Variants in TTC34 observed in about 807,000 individuals in gnomAD.
TTC34 encodes tetratricopeptide repeat protein 34.
TTC34 carries 44 observed loss-of-function variants against 40.7 expected under a neutral mutation model. That is an observed-to-expected ratio of 1.08 (90% CI 0.85 to 1.39). TTC34 has a LOEUF of 1.39. Among genes scored for constraint, TTC34 ranks in the 40% most tolerant of loss-of-function variants. The pLI is 0.00. For synonymous variants in TTC34, 422 were observed against 398.6 expected (o/e 1.06, Z -0.70); for missense variants, 884 against 838.0 (o/e 1.05, Z -0.68).
chr1:2,684,344 C>A (rs1640219396), intron 6 of TTC34, among the ~76,000 whole-genome samples: 2 of 150,136 alleles, frequency 1.3e-5, no homozygotes, highest in Non-Finnish European at 3.0e-5. Context: ...TGGTTTGCAG[C>A]AGCACCCACA....
chr1:2,660,752 C>G (rs1407605150), intron 6 of TTC34, among the ~76,000 whole-genome samples: 1 of 120,720 alleles, frequency 8.3e-6, no homozygotes, highest in African/African-American at 3.3e-5. Context: ...CACCCCACAC[C>G]CACAGGTGAG....
chr1:2,797,969 T>G (rs1246824179), intron 2 of TTC34, among the ~76,000 whole-genome samples: 1 of 151,958 alleles, frequency 6.6e-6, no homozygotes, highest in Non-Finnish European at 1.5e-5. Context: ...CTGAATTCCA[T>G]CAACTCTCTC....
At chr1:2,788,976 G>A (rs1180017962) in intron 3 of TTC34, among the ~76,000 whole-genome samples, 5 of 152,146 alleles carry the variant, frequency 3.3e-5, no homozygotes, top group African/African-American at 9.7e-5. Flanking sequence ...TACTTGGGAC[G>A]CTGAGGCAGA....
At chr1:2,684,298 C>A (rs1640217110) in intron 6 of TTC34, among the ~76,000 whole-genome samples, 1 of 145,474 alleles carries the variant, frequency 6.9e-6, no homozygotes. Flanking sequence ...ATATGACAGC[C>A]TGGGTCGGCA....
At chr1:2,760,045 CAAGTGAGCATCTG>C (rs1641645051) in intron 6 of TTC34, among the ~76,000 whole-genome samples, 1 of 80,662 alleles carries the variant, frequency 1.2e-5, no homozygotes, top group Non-Finnish European at 2.3e-5. Context: ...CCCACACACC[CAAGTGAGCATCTG>C]ACAGCCTGGA....
intron 2 of TTC34, among the ~76,000 whole-genome samples, chr1:2,794,128 T>C (rs1421181868): frequency 6.6e-6 from 1 of 152,168 alleles, no homozygotes; most frequent in African/African-American, 2.4e-5. Context: ...GGTAAGTAGC[T>C]GGGATCACAG....
At chr1:2,756,637 GCA>G (rs1641515045) in intron 6 of TTC34, among the ~76,000 whole-genome samples, 1 of 150,872 alleles carries the variant, frequency 6.6e-6, no homozygotes. Flanking sequence ...CCCCAGGTGA[GCA>G]TCTGACAGCC....
At chr1:2,789,512 G>A in exon 3 of TTC34, 3 of 1,504,904 alleles carry the variant, frequency 2.0e-6, no homozygotes, top group African/African-American at 1.4e-5. Flanking sequence ...CCCCTCCTGC[G>A]TGGTGGGGCC....
At chr1:2,793,208 GA>G (rs1310383360) in intron 2 of TTC34, among the ~76,000 whole-genome samples, 12 of 152,284 alleles carry the variant, frequency 7.9e-5, no homozygotes, top group Non-Finnish European at 1.6e-4. Context: ...CTGGTGGGTG[GA>G]AAATGGTCTC....
At chr1:2,651,941 C>G (rs936856477) in intron 6 of TTC34, among the ~76,000 whole-genome samples, 3 of 152,106 alleles carry the variant, frequency 2.0e-5, no homozygotes, top group African/African-American at 7.3e-5. Flanking sequence ...GAGCATCTGA[C>G]AGCCTGAAGC....
intron 6 of TTC34, among the ~76,000 whole-genome samples, chr1:2,758,195 C>A (rs1641569602): frequency 5.5e-5 from 8 of 145,462 alleles, no homozygotes; most frequent in South Asian, 2.2e-4. Context: ...CACCCTGCAC[C>A]CCCAGGTGAG....
chr1:2,751,910 G>A (rs1333050844), intron 6 of TTC34, among the ~76,000 whole-genome samples: 3 of 102,426 alleles, frequency 2.9e-5, no homozygotes, highest in African/African-American at 4.5e-5. Flanking sequence ...GCATCTGATG[G>A]TCTGGAGCAG....
intron 2 of TTC34, among the ~76,000 whole-genome samples, chr1:2,797,338 C>T (rs530760048): frequency 2.0e-5 from 3 of 152,202 alleles, no homozygotes; most frequent in Non-Finnish European, 2.9e-5. Context: ...GGCAGGGAGC[C>T]GCAGTGCCTT....
intron 6 of TTC34, among the ~76,000 whole-genome samples, chr1:2,691,743 T>G (rs1255779021): frequency 3.6e-5 from 2 of 54,930 alleles, no homozygotes; most frequent in East Asian, 6.1e-4. Context: ...AGCACCCACA[T>G]TCCCAGGCAA....
intron 6 of TTC34, among the ~76,000 whole-genome samples, chr1:2,673,233 C>A (rs1639765090): frequency 1.3e-5 from 1 of 75,840 alleles, no homozygotes. Context: ...ACCGCAGCCA[C>A]ACCCCCAGGC....
At chr1:2,651,591 C>A (rs984784227) in intron 6 of TTC34, among the ~76,000 whole-genome samples, 1 of 150,810 alleles carries the variant, frequency 6.6e-6, no homozygotes, top group African/African-American at 2.4e-5. Context: ...TGGAACAGCA[C>A]CCCACACCCC....
At chr1:2,755,216 TC>T (rs1641465371) in intron 6 of TTC34, among the ~76,000 whole-genome samples, 1 of 12,388 alleles carries the variant, frequency 8.1e-5, no homozygotes, top group Non-Finnish European at 1.3e-4. Flanking sequence ...GAGCAGCACC[TC>T]ACACCCCCAG....
intron 4 of TTC34, 128 bp from the exon 5 acceptor site, chr1:2,786,151 C>A: frequency 1.3e-6 from 1 of 795,048 alleles, no homozygotes; most frequent in Non-Finnish European, 1.8e-6. Flanking sequence ...TGCCAACGCT[C>A]CCAGTCCCAC....
chr1:2,651,524 G>A (rs914989578), intron 6 of TTC34, among the ~76,000 whole-genome samples: 10 of 150,864 alleles, frequency 6.6e-5, no homozygotes, highest in African/African-American at 2.2e-4. Context: ...CCACACTTAG[G>A]TGAGAATCTG....
Sources: gnomAD v4.1 joint callset for allele counts (sites outside exome capture counted in the v4.1 genomes callset) on GRCh38, gnomAD v4.1.1 for gene constraint, MANE v1.5 for transcripts, NCBI Gene and HGNC (gene_info 2026-07-23, HGNC 2026-07-21) for gene names.